Variants in DPYS observed in about 807,000 individuals in gnomAD.
DPYS encodes dihydropyrimidine amidohydrolase.
DPYS carries 39 observed loss-of-function variants against 50.3 expected under a neutral mutation model. The observed-to-expected ratio is 0.78, with a 90% CI of 0.60 to 1.01. DPYS has a LOEUF of 1.01. Among genes scored for constraint, DPYS ranks in the 50% least tolerant of loss-of-function variants. The pLI is 0.00. For missense variants in DPYS, 659 were observed against 680.9 expected, an observed-to-expected ratio of 0.97 and a Z score of 0.36; for synonymous variants, 245 against 250.7, an observed-to-expected ratio of 0.98 and a Z score of 0.22.
chr8:104,380,438 G>T (rs1274651103), intron 9 of DPYS: 1 of 152,496 alleles, frequency 6.6e-6, no homozygotes, highest in Non-Finnish European at 1.5e-5. Flanking sequence ...TGCAAAACTG[G>T]CAAAACATGT....
chr8:104,454,421 T>C (rs942292734), intron 1 of DPYS, among the ~76,000 whole-genome samples: 1 of 152,164 alleles, frequency 6.6e-6, no homozygotes, highest in African/African-American at 2.4e-5. Context: ...TATTCTACAA[T>C]TGATTGTGGT....
In DPYS at chr8:104,429,629, C is replaced by T; in HGVS notation, c.866G>A (p.Trp289Ter). The T allele has an allele frequency of 6.2e-7, 1 of 1,614,162 alleles. No individual in the cohort carries two copies. Among genetic ancestry groups the T allele is most frequent in the Non-Finnish European group, 8.5e-7 (1 of 1,180,016 alleles). The change falls in exon 5 of 10, where the codon TGG becomes TAG. Residue 289 changes from tryptophan (W) to a stop codon, truncating the protein, a stop_gained. Coordinates refer to ENST00000351513, the MANE Select transcript of DPYS (RefSeq NM_001385.3). LOFTEE classifies it high-confidence loss of function. The stretch of plus-strand genomic sequence containing the variant: ...CATGACATGGTGGGCTGCATGGTGC[C>T]ATTCTTTATTCCAGTAGTGAGTGCC... ...TDGTHYWNKE[W>*]HHAAHHVMGP...
At chr8:104,382,315 C>T (rs928302081) in intron 8 of DPYS, among the ~76,000 whole-genome samples, 2 of 152,162 alleles carry the variant, frequency 1.3e-5, no homozygotes, top group Non-Finnish European at 2.9e-5. Context: ...CAGGCCAAGC[C>T]TCTGCTCACT....
At chr8:104,384,444 C>T (rs1294183508) in intron 8 of DPYS, among the ~76,000 whole-genome samples, 1 of 152,212 alleles carries the variant, frequency 6.6e-6, no homozygotes, top group Non-Finnish European at 1.5e-5. Context: ...GATGGCACTC[C>T]TTCTGCAGAA....
intron 7 of DPYS, among the ~76,000 whole-genome samples, chr8:104,418,045 G>A (rs1812424308): frequency 1.3e-5 from 2 of 152,144 alleles, no homozygotes; most frequent in South Asian, 4.1e-4. Flanking sequence ...ACGTCTACAT[G>A]CCATTAATAA....
intron 3 of DPYS, 62 bp downstream of exon 3, chr8:104,447,262 A>T: frequency 1.3e-6 from 2 of 1,595,432 alleles, no homozygotes; most frequent in South Asian, 2.2e-5. Context: ...AGGCCCAATC[A>T]TCTTCACCTT....
chr8:104,379,802 C>T lies in DPYS; in HGVS notation c.*56G>A. ...TTCTCCATGGGTTGACAATGTTTGG[C>T]TGTGAAGGGAATGGCAGCCTCCTTT... On this transcript the variant is annotated 3_prime_UTR_variant, in exon 10 of 10. Coordinates refer to ENST00000351513, the MANE Select transcript of DPYS (RefSeq NM_001385.3). The T allele has an allele frequency of 2.2e-6, 1 of 456,522 alleles. No individual in the cohort carries two copies. Among genetic ancestry groups the T allele is most frequent in the South Asian group, 1.5e-5 (1 of 64,554 alleles). The allele number at this position is 456,522 out of a possible 1,614,324, so 28.3% of individuals were successfully genotyped here.
chr8:104,396,347 T>G (rs962822986), intron 7 of DPYS, among the ~76,000 whole-genome samples: 1 of 152,182 alleles, frequency 6.6e-6, no homozygotes, highest in Non-Finnish European at 1.5e-5. Flanking sequence ...AAATGGTTAT[T>G]TGAAGTACAT....
intron 4 of DPYS, among the ~76,000 whole-genome samples, chr8:104,441,792 A>C (rs968913835): frequency 2.0e-5 from 3 of 152,254 alleles, no homozygotes. Context: ...GTTTCTCTTG[A>C]AACAGCTAAA....
Position 104,405,900 on chromosome 8 carries a change from C to A in DPYS, c.1236-12909G>T, listed in dbSNP as rs142664179. ...CCACAGCCAGATGCTCCGGGATCTG[C>A]TGACTTGCTCAGCCAAGTTCATGGG... On this transcript the variant is annotated intron_variant, in intron 7 of 9. Transcript: ENST00000351513. 1.9e-3 allele frequency among the ~76,000 whole-genome samples: 297 copies of A among 152,352 alleles called. 1 individual carries two copies. Among genetic ancestry groups the A allele is most frequent in the African/African-American group, 5.3e-3 (219 of 41,586 alleles).
intron 7 of DPYS, among the ~76,000 whole-genome samples, chr8:104,412,315 C>G (rs573911783): frequency 6.6e-6 from 1 of 152,308 alleles, no homozygotes; most frequent in East Asian, 1.9e-4. Flanking sequence ...ACCTCAGATT[C>G]ACAGATCTTA....
chr8:104,459,789 C>T (rs188874653), intron 1 of DPYS, among the ~76,000 whole-genome samples: 1 of 152,160 alleles, frequency 6.6e-6, no homozygotes, highest in African/African-American at 2.4e-5. Flanking sequence ...GAAGCTGACA[C>T]CATACCTAAA....
Position 104,438,812 on chromosome 8 carries a change from G to C in DPYS, c.793+5436C>G, listed in dbSNP as rs180691788. Among the ~76,000 whole-genome samples, 1,025 of 152,226 alleles carry C rather than the reference G, an allele frequency of 6.7e-3. 5 individuals are homozygous for C. Among genetic ancestry groups the C allele is most frequent in the Non-Finnish European group, 0.01 (685 of 67,998 alleles). On this transcript the variant is annotated intron_variant, in intron 4 of 9. Coordinates refer to ENST00000351513, the MANE Select transcript of DPYS (RefSeq NM_001385.3). ...GAGAAGAGATGTCAGGCTGGGCGTGGTGGCTCACAGCTCTAATCCCAGCTC... is the reference window on the plus strand; with the variant it reads ...GAGAAGAGATGTCAGGCTGGGCGTGCTGGCTCACAGCTCTAATCCCAGCTC...
intron 4 of DPYS, 81 bp downstream of exon 4, chr8:104,444,166 TA>T: frequency 6.6e-7 from 1 of 1,505,286 alleles, no homozygotes; most frequent in Non-Finnish European, 9.2e-7. Context: ...CACTTTCTCC[TA>T]AACTGAAGCA....
chr8:104,439,203 T>C (rs575041159), intron 4 of DPYS, among the ~76,000 whole-genome samples: 1 of 152,286 alleles, frequency 6.6e-6, no homozygotes, highest in African/African-American at 2.4e-5. Flanking sequence ...TTTTCATAGT[T>C]GAGAGTCAAG....
intron 7 of DPYS, chr8:104,419,899 T>C (rs1010305332): frequency 3.3e-5 from 5 of 152,204 alleles, no homozygotes; most frequent in Non-Finnish European, 5.9e-5. Flanking sequence ...CATATCAATA[T>C]TGGATCATTA....
At chr8:104,462,770 CA>C (rs1247394050) in intron 1 of DPYS, among the ~76,000 whole-genome samples, 6 of 152,200 alleles carry the variant, frequency 3.9e-5, no homozygotes, top group Admixed American at 6.5e-5. Flanking sequence ...TTATTGAATT[CA>C]TACTACCCAT....
intron 5 of DPYS, chr8:104,429,241 T>G: frequency 2.8e-6 from 1 of 360,218 alleles, no homozygotes; most frequent in South Asian, 3.4e-5. Context: ...AATATTCTGA[T>G]AAAAAGTAAG....
chr8:104,465,979 T>C (rs898167348), intron 1 of DPYS, among the ~76,000 whole-genome samples: 2 of 151,514 alleles, frequency 1.3e-5, no homozygotes, highest in East Asian at 1.9e-4. Flanking sequence ...CGAGGCTGCG[T>C]TGGTGTGTGT....
Sources: gnomAD v4.1 joint callset for allele counts (sites outside exome capture counted in the v4.1 genomes callset) on GRCh38, gnomAD v4.1.1 for gene constraint, MANE v1.5 for transcripts, NCBI Gene and HGNC (gene_info 2026-07-23, HGNC 2026-07-21) for gene names.